RAP1B: variants seen among roughly 807,000 people sequenced by gnomAD.
RAP1B encodes the protein ras-related protein Rap-1b.
Under a neutral mutation model 27.5 loss-of-function variants are expected in RAP1B, and 1 was observed. That is an observed-to-expected ratio of 0.04 (90% CI 0.01 to 0.17). The LOEUF (loss-of-function observed/expected upper bound fraction) is 0.17, where lower values mean the gene tolerates loss of function less well. RAP1B is among the 10% of genes least tolerant of loss of function. The pLI is 1.00. For synonymous variants in RAP1B, 75 were observed against 73.1 expected (o/e 1.03, Z -0.13); for missense variants, 84 against 214.8 (o/e 0.39, Z 3.81).
intron 1 of RAP1B, among the ~76,000 whole-genome samples, chr12:68,643,880 T>C (rs1031419628): frequency 1.3e-5 from 2 of 152,100 alleles, no homozygotes; most frequent in African/African-American, 4.8e-5. Context: ...GGAAAAAAAA[T>C]AAGCAAAAGG....
rs1487839221 is a variant in RAP1B, at chr12:68,662,859, A to G, written c.*3610A>G. The G allele has an allele frequency of 6.6e-6, 1 of 151,946 alleles. No individual in the cohort carries two copies. Among genetic ancestry groups the G allele is most frequent in the Non-Finnish European group, 1.5e-5 (1 of 68,008 alleles). 9.4% of individuals were successfully genotyped at this position (151,946 alleles called of 1,614,324 possible). ...AAAATTTTTTTTTAATTAGCTGGGC[A>G]TGGTGGTGCACGTCTGTACCTGTAG... is the stretch of plus-strand genomic sequence containing the variant. On this transcript the variant is annotated 3_prime_UTR_variant, in exon 8 of 8. Coordinates refer to ENST00000250559, the MANE Select transcript of RAP1B (RefSeq NM_001010942.3).
chr12:68,639,710 A>C (rs1013756808), intron 1 of RAP1B, among the ~76,000 whole-genome samples: 1 of 152,220 alleles, frequency 6.6e-6, no homozygotes, highest in African/African-American at 2.4e-5. Flanking sequence ...ACAGCACCTC[A>C]TAAGACCAAC....
intron 1 of RAP1B, among the ~76,000 whole-genome samples, chr12:68,647,113 T>C (rs1424580800): frequency 6.6e-6 from 1 of 152,108 alleles, no homozygotes; most frequent in African/African-American, 2.4e-5. Flanking sequence ...ACTCCAGTGG[T>C]GTGATCTCAG....
chr12:68,643,110 T>A (rs1873141425), intron 1 of RAP1B: 2 of 594,838 alleles, frequency 3.4e-6, no homozygotes, highest in African/African-American at 1.9e-5. Flanking sequence ...ATAGTTTTTG[T>A]TTTTCTTCCA....
At chr12:68,657,888 C>G (rs1228103550) in intron 7 of RAP1B, among the ~76,000 whole-genome samples, 4 of 151,848 alleles carry the variant, frequency 2.6e-5, no homozygotes, top group African/African-American at 9.7e-5. Flanking sequence ...CACACACACA[C>G]CCCTGACATG....
chr12:68,642,323 A>G (rs1387246941), intron 1 of RAP1B, among the ~76,000 whole-genome samples: 1 of 152,200 alleles, frequency 6.6e-6, no homozygotes, highest in Non-Finnish European at 1.5e-5. Flanking sequence ...TGGAAATTCA[A>G]GCGAGAATGA....
chr12:68,670,357 A>C lies in RAP1B; in HGVS notation c.*11108A>C, dbSNP rs1446301945. ...CAAAAAGCACTTTCCAGATATATTA[A>C]AATGTTTTCAAGCTATAAAGTAAAA... On this transcript the variant is annotated 3_prime_UTR_variant, in exon 8 of 8. Transcript: ENST00000250559. 1 of 152,244 alleles carries C rather than the reference A, an allele frequency of 6.6e-6. No homozygotes were observed. 9.4% of individuals were successfully genotyped at this position (152,244 alleles called of 1,614,324 possible).
chr12:68,648,802 C>G, intron 2 of RAP1B, 21 bp downstream of exon 2: 5 of 1,594,350 alleles, frequency 3.1e-6, no homozygotes, highest in Non-Finnish European at 4.3e-6. Flanking sequence ...CTTACTTTAC[C>G]TAAGCCTTTC....
At chr12:68,653,262 GACAA>G (rs1445532290) in intron 4 of RAP1B, among the ~76,000 whole-genome samples, 1 of 151,930 alleles carries the variant, frequency 6.6e-6, no homozygotes, top group Non-Finnish European at 1.5e-5. Context: ...CGTATTTATA[GACAA>G]ACTAAATTTG....
chr12:68,619,762 A>G (rs746780090), intron 1 of RAP1B, among the ~76,000 whole-genome samples: 7 of 152,194 alleles, frequency 4.6e-5, no homozygotes, highest in East Asian at 1.9e-4. Context: ...ATGTGAAGCA[A>G]TGTTTTCATG....
chr12:68,638,932 A>C (rs1284603845), intron 1 of RAP1B, among the ~76,000 whole-genome samples: 1 of 152,184 alleles, frequency 6.6e-6, no homozygotes, highest in Non-Finnish European at 1.5e-5. Flanking sequence ...AAGTGCTGGG[A>C]TTACAGACAT....
intron 1 of RAP1B, among the ~76,000 whole-genome samples, chr12:68,613,249 A>G (rs1870737456): frequency 6.6e-6 from 1 of 152,048 alleles, no homozygotes; most frequent in African/African-American, 2.4e-5. Context: ...AATCCCAGCT[A>G]TTCGGGAGGC....
chr12:68,637,750 C>T (rs928572709), intron 1 of RAP1B, among the ~76,000 whole-genome samples: 3 of 151,360 alleles, frequency 2.0e-5, no homozygotes, highest in African/African-American at 7.3e-5. Context: ...ACAGTATTTA[C>T]TTTTAAGTGT....
At chr12:68,631,626 C>T (rs902948714) in intron 1 of RAP1B, among the ~76,000 whole-genome samples, 1 of 152,106 alleles carries the variant, frequency 6.6e-6, no homozygotes, top group African/African-American at 2.4e-5. Flanking sequence ...AATTAATGTT[C>T]CCATGTTATG....
At chr12:68,615,502 T>C (rs1056492255) in intron 1 of RAP1B, among the ~76,000 whole-genome samples, 7 of 151,660 alleles carry the variant, frequency 4.6e-5, no homozygotes, top group African/African-American at 1.7e-4. Context: ...GGCAGGAGAA[T>C]CGCTTGAACC....
Position 68,656,976 on chromosome 12 carries a change from C to G in RAP1B, c.469-125C>G. 6.1e-6 allele frequency: 5 copies of G among 822,206 alleles called. No homozygotes were observed. The South Asian group carries it at 7.0e-5, about 11-fold the overall frequency. The allele number at this position is 822,206 out of a possible 1,614,324, so 50.9% of individuals were successfully genotyped here. On this transcript the variant is annotated intron_variant, in intron 6 of 7. Transcript: ENST00000250559. ...TATAACACCTGATTTTATTCTCATT[C>G]CTTAGCTGAACAATTCTGGGCATTA...
intron 5 of RAP1B, among the ~76,000 whole-genome samples, chr12:68,656,043 T>G (rs1314532653): frequency 6.6e-6 from 1 of 152,238 alleles, no homozygotes; most frequent in Non-Finnish European, 1.5e-5. Flanking sequence ...ATGAGAGTTT[T>G]CTTTCTCTCT....
At chr12:68,653,151 G>T (rs796908838) in intron 4 of RAP1B, among the ~76,000 whole-genome samples, 3 of 152,330 alleles carry the variant, frequency 2.0e-5, no homozygotes, top group South Asian at 4.1e-4. Flanking sequence ...AGAGGTTGCA[G>T]TGAGCTGATA....
chr12:68,655,452 A>G (rs1312834672), intron 5 of RAP1B, among the ~76,000 whole-genome samples: 1 of 152,138 alleles, frequency 6.6e-6, no homozygotes, highest in African/African-American at 2.4e-5. Flanking sequence ...GGGACCCTAC[A>G]TAATTACAGC....
Sources: gnomAD v4.1 joint callset for allele counts (sites outside exome capture counted in the v4.1 genomes callset) on GRCh38, gnomAD v4.1.1 for gene constraint, MANE v1.5 for transcripts, NCBI Gene and HGNC (gene_info 2026-07-23, HGNC 2026-07-21) for gene names.